Variants in KMT2C observed in about 807,000 individuals in gnomAD.
KMT2C encodes the protein lysine methyltransferase 2C.
Under a neutral mutation model 507.9 loss-of-function variants are expected in KMT2C, and 88 were observed. That is an observed-to-expected ratio of 0.17 (90% CI 0.15 to 0.21). The LOEUF is 0.21. Ranked by LOEUF, KMT2C falls within the 10% of genes least tolerant of loss-of-function variation. The probability of loss-of-function intolerance (pLI) is 1.00; values close to 1 mark genes in which losing one functional copy is unlikely to be tolerated. For missense variants in KMT2C, 4,954 were observed against 5,957.8 expected (o/e 0.83, Z 5.55); for synonymous variants, 2,049 against 2,080.8 (o/e 0.98, Z 0.42).
intron 6 of KMT2C, among the ~76,000 whole-genome samples, chr7:152,303,979 A>C (rs1445482012): frequency 1.3e-5 from 2 of 152,116 alleles, no homozygotes; most frequent in Non-Finnish European, 2.9e-5. Flanking sequence ...ACAGAGAGAG[A>C]CTATGTCTCC....
In KMT2C at chr7:152,392,876, G is replaced by GT. The variant is rs2097510441; in HGVS notation, c.162-34202dup. Reference sequence around the variant, plus strand: ...GAATTCCTTGTTATATAATAAGCCAGTTTATCAGCTTTTTTTGAAGGAAGA... The same window carrying GT: ...GAATTCCTTGTTATATAATAAGCCAGTTTTATCAGCTTTTTTTGAAGGAAGA... On this transcript the variant is annotated intron_variant, in intron 1 of 58. Coordinates refer to ENST00000262189, the MANE Select transcript of KMT2C (RefSeq NM_170606.3). 3.3e-5 allele frequency among the ~76,000 whole-genome samples: 5 copies of GT among 152,242 alleles called. No individual in the cohort carries two copies. The South Asian group carries it at 1.0e-3, about 32-fold the overall frequency.
intron 31 of KMT2C, among the ~76,000 whole-genome samples, chr7:152,190,675 A>G (rs770266415): frequency 3.9e-5 from 6 of 152,200 alleles, no homozygotes; most frequent in Admixed American, 6.5e-5. Flanking sequence ...CAACTTTTAC[A>G]TAAAGGTATT....
chr7:152,162,313 G>A lies in KMT2C; in HGVS notation c.11264C>T (p.Ser3755Leu), dbSNP rs780765987. Reference protein sequence around the residue: ...EGNAVACPVSSAQSPPHSAGA... With the variant: ...EGNAVACPVSLAQSPPHSAGA... ...AGCAGAATGGGGAGGACTCTGTGCT[G>A]AGGAGACAGGACAGGCTACAGCGTT... The change falls in exon 43 of 59, where the codon TCA becomes TTA. Residue 3755 changes from serine (S) to leucine (L), a missense_variant. Physicochemically the swap from Ser to Leu is moderately radical, Grantham distance 145 (BLOSUM62 -2). Transcript: ENST00000262189. 3.1e-6 allele frequency: 5 copies of A among 1,614,124 alleles called. No homozygotes were observed. The highest frequency in any genetic ancestry group is 2.7e-5 in the African/African-American group (2 of 74,946).
Position 152,144,428 on chromosome 7 carries a change from G to T in KMT2C, c.14343+285C>A, listed in dbSNP as rs943517461. ...CTCTACTGAGCACTCCACAAATCCA[G>T]TGTGTGCAAATTACAATGCTACCTG... On this transcript the variant is annotated intron_variant, in intron 55 of 58. Transcript: ENST00000262189. This position sits in a 1 kb window ranked among gnomAD's most constrained non-coding sequence, Gnocchi z 4.4. 6.6e-6 allele frequency among the ~76,000 whole-genome samples: 1 copy of T among 152,176 alleles called. No homozygotes were observed. The highest frequency in any genetic ancestry group is 1.5e-5 in the Non-Finnish European group (1 of 68,038).
chr7:152,306,206 T>C (rs1056692084), intron 6 of KMT2C, among the ~76,000 whole-genome samples: 8 of 152,178 alleles, frequency 5.3e-5, no homozygotes, highest in Non-Finnish European at 7.4e-5. Flanking sequence ...TTTATGTGAA[T>C]TTTACTATTC....
chr7:152,154,597 C>T (rs937811499), intron 46 of KMT2C, 152 bp from the exon 47 acceptor site: 9 of 596,724 alleles, frequency 1.5e-5, no homozygotes, highest in African/African-American at 1.5e-4. Context: ...CAGAGCCACA[C>T]TGGGAAAAAA....
intron 1 of KMT2C, among the ~76,000 whole-genome samples, chr7:152,415,900 A>G (rs1306050008): frequency 6.6e-6 from 1 of 152,160 alleles, no homozygotes; most frequent in Non-Finnish European, 1.5e-5. Context: ...AGAAAAAGAA[A>G]TTCAAAATAT....
chr7:152,275,865 C>A (rs1297884240), intron 6 of KMT2C, among the ~76,000 whole-genome samples: 1 of 152,198 alleles, frequency 6.6e-6, no homozygotes, highest in South Asian at 2.1e-4. Flanking sequence ...TATTTTGATA[C>A]CATATGGCAA....
At chr7:152,324,268 T>C (rs1331187647) in intron 3 of KMT2C, among the ~76,000 whole-genome samples, 2 of 151,296 alleles carry the variant, frequency 1.3e-5, no homozygotes, top group Admixed American at 1.3e-4. Flanking sequence ...ATTGTGGTTC[T>C]GCCATTAAAA....
At chr7:152,426,609 C>T (rs1404731560) in intron 1 of KMT2C, among the ~76,000 whole-genome samples, 1 of 152,102 alleles carries the variant, frequency 6.6e-6, no homozygotes, top group Non-Finnish European at 1.5e-5. Context: ...TAACAGGCAA[C>T]TGATTGATAA....
At chr7:152,214,612 A>G (rs1417065729) in intron 23 of KMT2C, among the ~76,000 whole-genome samples, 1 of 152,234 alleles carries the variant, frequency 6.6e-6, no homozygotes, top group Non-Finnish European at 1.5e-5. Flanking sequence ...ATACAATGGA[A>G]TAGTTAGCTT....
intron 52 of KMT2C, among the ~76,000 whole-genome samples, chr7:152,147,222 A>AC (rs1182576995): frequency 2.6e-5 from 4 of 152,130 alleles, no homozygotes; most frequent in African/African-American, 9.7e-5. Context: ...TGTACTTTCT[A>AC]CATAAGCAAA....
chr7:152,166,633 A>G (rs1207861300), intron 42 of KMT2C, among the ~76,000 whole-genome samples: 3 of 152,198 alleles, frequency 2.0e-5, no homozygotes, highest in East Asian at 3.8e-4. Context: ...AGTACTTCAC[A>G]TAAGACATAC....
At chr7:152,220,976 C>G (rs927528836) in intron 22 of KMT2C, among the ~76,000 whole-genome samples, 2 of 152,116 alleles carry the variant, frequency 1.3e-5, no homozygotes, top group African/African-American at 4.8e-5. Flanking sequence ...CTTCCTGGGC[C>G]AGGTGCAGGG....
intron 6 of KMT2C, among the ~76,000 whole-genome samples, chr7:152,279,669 A>C (rs1309950043): frequency 3.3e-5 from 5 of 152,232 alleles, no homozygotes; most frequent in Middle Eastern, 3.2e-3. Flanking sequence ...TATTAAACAC[A>C]CATTTCTGAT....
intron 37 of KMT2C, among the ~76,000 whole-genome samples, chr7:152,179,618 G>T (rs1182866163): frequency 1.8e-5 from 2 of 112,716 alleles, no homozygotes; most frequent in Non-Finnish European, 3.7e-5. Flanking sequence ...AACTTCATTT[G>T]TCTATTTCTT....
At chr7:152,222,826 T>C in intron 20 of KMT2C, 144 bp from the exon 21 acceptor site, 1 of 598,226 alleles carries the variant, frequency 1.7e-6, no homozygotes, top group South Asian at 2.2e-5. Context: ...TTCTCCTAAC[T>C]ATCTCTATTA....
chr7:152,200,318 G>A (rs888257369), intron 26 of KMT2C, among the ~76,000 whole-genome samples: 6 of 152,034 alleles, frequency 3.9e-5, no homozygotes, highest in African/African-American at 1.5e-4. Context: ...CCAAATTATA[G>A]ACACTTATAT....
At chr7:152,276,738 A>C (rs2096087565) in intron 6 of KMT2C, among the ~76,000 whole-genome samples, 1 of 151,858 alleles carries the variant, frequency 6.6e-6, no homozygotes, top group African/African-American at 2.4e-5. Context: ...GGGAAACAAA[A>C]GTGAGAACCA....
Sources: gnomAD v4.1 joint callset for allele counts (sites outside exome capture counted in the v4.1 genomes callset) on GRCh38, gnomAD v4.1.1 for gene constraint, Gnocchi (gnomAD v3.1) non-coding constraint, MANE v1.5 for transcripts, NCBI Gene and HGNC (gene_info 2026-07-23, HGNC 2026-07-21) for gene names.